The following PCDHGA8 variants were observed in gnomAD, a reference collection of about 807,000 sequenced individuals.
PCDHGA8 encodes the protein protocadherin gamma-A8.
Under a neutral mutation model 59.2 loss-of-function variants are expected in PCDHGA8, and 45 were observed. That is an observed-to-expected ratio of 0.76 (90% CI 0.60 to 0.98). The LOEUF is 0.98. PCDHGA8 is among the 50% of genes least tolerant of loss of function. The probability of loss-of-function intolerance (pLI) is 0.00; values close to 1 mark genes in which losing one functional copy is unlikely to be tolerated. For synonymous variants in PCDHGA8, 531 were observed against 519.0 expected (o/e 1.02, Z -0.32); for missense variants, 1,257 against 1,196.2 (o/e 1.05, Z -0.75).
chr5:141,421,567 A>G (rs1202908091), intron 1 of PCDHGA8: 27 of 1,613,972 alleles, frequency 1.7e-5, no homozygotes, highest in Non-Finnish European at 2.2e-5. Context: ...CGTGGAAGAC[A>G]CCTTGAAGAT....
rs551129846 is a variant in PCDHGA8, at chr5:141,432,711, A to T, written c.2424+37474A>T. 5 of 1,613,944 alleles carry T rather than the reference A, an allele frequency of 3.1e-6. No individual in the cohort carries two copies. The Admixed American group carries it at 8.3e-5, about 27-fold the overall frequency. ...GTAGTGGCCGTCCAGGACCACGGCCAGCCCCCTCTCTCCGCCACTGTCACG... is the reference window on the plus strand; with the variant it reads ...GTAGTGGCCGTCCAGGACCACGGCCTGCCCCCTCTCTCCGCCACTGTCACG... On this transcript the variant is annotated intron_variant, in intron 1 of 3. Transcript: ENST00000398604. This position sits in a 1 kb window ranked among gnomAD's most constrained non-coding sequence, Gnocchi z 6.0.
intron 1 of PCDHGA8, chr5:141,399,585 T>C (rs1452769752): frequency 6.2e-7 from 1 of 1,613,984 alleles, no homozygotes; most frequent in South Asian, 1.1e-5. Context: ...TCTCCTACTC[T>C]ATCATGGCCA....
intron 3 of PCDHGA8, among the ~76,000 whole-genome samples, chr5:141,506,417 A>C (rs1326078146): frequency 6.8e-6 from 1 of 147,658 alleles, no homozygotes; most frequent in Non-Finnish European, 1.5e-5. Context: ...ACTGCACTCC[A>C]GCCTGGGCAA....
At chr5:141,505,345 G>C (rs776607130) in intron 2 of PCDHGA8, 48 bp from the exon 3 acceptor site, 3 of 1,613,086 alleles carry the variant, frequency 1.9e-6, no homozygotes, top group Non-Finnish European at 2.5e-6. Flanking sequence ...AGGGGCATGA[G>C]CTGTGCCGGC....
At chr5:141,407,875 A>G (rs957717882) in intron 1 of PCDHGA8, 8 of 361,396 alleles carry the variant, frequency 2.2e-5, no homozygotes, top group African/African-American at 8.4e-5. Context: ...AAGAATATAT[A>G]CATTTCGGAG....
rs1312182657 is a variant in PCDHGA8 at position 141,406,777 on chromosome 5, CTT to C, written c.2424+11541_2424+11542del. Among the ~76,000 whole-genome samples the C allele has an allele frequency of 2.0e-5, 3 of 152,268 alleles. No individual in the cohort carries two copies. The East Asian group carries it at 5.8e-4, about 29-fold the overall frequency. On this transcript the variant is annotated intron_variant, in intron 1 of 3. Coordinates refer to ENST00000398604, the MANE Select transcript of PCDHGA8 (RefSeq NM_032088.2). ...CAAGGAATTAAAAATATTTCTCTCA[CTT>C]ATATATTATTTCTGGCTCAATTCTC...
chr5:141,448,118 G>A (rs1356488538), intron 1 of PCDHGA8, among the ~76,000 whole-genome samples: 1 of 151,534 alleles, frequency 6.6e-6, no homozygotes, highest in East Asian at 1.9e-4. Flanking sequence ...AAGAAAATTA[G>A]CCTCCCCCAC....
rs777293240 is a variant in PCDHGA8, at chr5:141,393,034, T to A, written c.221T>A (p.Leu74His). The A allele has an allele frequency of 1.3e-5, 21 of 1,613,636 alleles. No homozygotes were observed. Among genetic ancestry groups the A allele is most frequent in the Admixed American group, 6.7e-5 (4 of 59,986 alleles). ...VRIVSRGRTQ[L>H]FALNPRSGSL... Reference sequence around the variant, plus strand: ...ATCGTCTCCAGAGGTAGGACGCAGCTCTTTGCTCTGAACCCGCGCAGCGGC... The same window carrying A: ...ATCGTCTCCAGAGGTAGGACGCAGCACTTTGCTCTGAACCCGCGCAGCGGC... Residue 74 changes from leucine to histidine, a missense_variant, in exon 1 of 4, where the codon CTC becomes CAC. Coordinates refer to ENST00000398604, the MANE Select transcript of PCDHGA8 (RefSeq NM_032088.2).
At position 141,393,592 on chromosome 5, in the gene PCDHGA8, G is replaced by A. The variant is rs200863279; in HGVS notation, c.779G>A (p.Arg260Gln). 127 of 1,613,790 alleles carry A rather than the reference G, an allele frequency of 7.9e-5. No homozygotes were observed. Among genetic ancestry groups the A allele is most frequent in the Non-Finnish European group, 1.0e-4 (123 of 1,179,914 alleles). Residue 260 changes from arginine (R) to glutamine (Q), a missense_variant, in exon 1 of 4, where the codon CGG becomes CAG. Coordinates refer to ENST00000398604, the MANE Select transcript of PCDHGA8 (RefSeq NM_032088.2). ...KVLENMPPGT[R>Q]LLTVTASDPD... ...CTTGAGAACATGCCCCCAGGCACGC[G>A]GCTGCTTACTGTAACAGCCAGCGAC...
chr5:141,505,026 G>T (rs190826538), intron 2 of PCDHGA8, among the ~76,000 whole-genome samples: 1 of 152,198 alleles, frequency 6.6e-6, no homozygotes, highest in South Asian at 2.1e-4. Context: ...GCCTGGCACA[G>T]TGGCAGGTGC....
intron 2 of PCDHGA8, among the ~76,000 whole-genome samples, chr5:141,504,748 T>A (rs979724181): frequency 7.2e-5 from 11 of 151,880 alleles, no homozygotes; most frequent in Non-Finnish European, 1.3e-4. Context: ...CCATTGAATT[T>A]TAGAAATTTC....
chr5:141,481,503 G>A (rs1006282101), intron 1 of PCDHGA8, among the ~76,000 whole-genome samples: 3 of 152,236 alleles, frequency 2.0e-5, no homozygotes, highest in African/African-American at 7.2e-5. Context: ...TGCATGGTAT[G>A]TGAATTATGT....
chr5:141,492,077 C>G (rs917149790), intron 1 of PCDHGA8: 1 of 483,342 alleles, frequency 2.1e-6, no homozygotes, highest in African/African-American at 2.0e-5. Context: ...GGCGCCGGCT[C>G]CGGCACGCTT....
chr5:141,412,569 T>C (rs1469611879), intron 1 of PCDHGA8: 3 of 152,228 alleles, frequency 2.0e-5, no homozygotes, highest in Admixed American at 6.5e-5. Flanking sequence ...GTTTATTTAA[T>C]ATAATCTTTG....
chr5:141,403,533 T>G (rs1307203985), intron 1 of PCDHGA8: 2 of 1,613,992 alleles, frequency 1.2e-6, no homozygotes, highest in African/African-American at 2.7e-5. Flanking sequence ...AACCCAGAGC[T>G]GGTGCTGGAG....
In PCDHGA8 at chr5:141,409,757, G is replaced by T. The variant is rs376391018; in HGVS notation, c.2424+14520G>T. On this transcript the variant is annotated intron_variant, in intron 1 of 3. Coordinates refer to ENST00000398604, the MANE Select transcript of PCDHGA8 (RefSeq NM_032088.2). ...GAGCGGGGTGGTGTTCGCGCAGCGC[G>T]CCTTTGATCACGAGCAGCTGCGCGC... is the stretch of plus-strand genomic sequence containing the variant. 5 of 1,612,868 alleles carry T rather than the reference G, an allele frequency of 3.1e-6. No homozygotes were observed. In the East Asian group the frequency reaches 6.7e-5, roughly 22 times the overall value.
At chr5:141,413,390 C>T (rs1373497766) in intron 1 of PCDHGA8, 1 of 1,614,010 alleles carries the variant, frequency 6.2e-7, no homozygotes, top group African/African-American at 1.3e-5. Context: ...CGCATAGTCT[C>T]CAGAGGTAGG....
chr5:141,487,818 G>T lies in PCDHGA8; in HGVS notation c.2425-6989G>T, dbSNP rs1009237001. The T allele has an allele frequency of 1.2e-5, 16 of 1,331,602 alleles. No homozygotes were observed. Among genetic ancestry groups the T allele is most frequent in the Non-Finnish European group, 1.4e-5 (14 of 970,528 alleles). The allele number at this position is 1,331,602 out of a possible 1,614,324, so 82.5% of individuals were successfully genotyped here. On this transcript the variant is annotated intron_variant, in intron 1 of 3. Transcript: ENST00000398604. This position sits in a 1 kb window ranked among gnomAD's most constrained non-coding sequence, Gnocchi z 5.0. Reference sequence around the variant, plus strand: ...GAGTTGTCACAGTTTAGCATTGGGGGCGGGTCATGCCTATATCTGAGTAAG... The same window carrying T: ...GAGTTGTCACAGTTTAGCATTGGGGTCGGGTCATGCCTATATCTGAGTAAG...
rs1340974686 is a variant in PCDHGA8, at chr5:141,477,604, C to T, written c.2425-17203C>T. The T allele has an allele frequency of 6.2e-7, 1 of 1,614,084 alleles. No individual in the cohort carries two copies. Among genetic ancestry groups the T allele is most frequent in the Non-Finnish European group, 8.5e-7 (1 of 1,180,054 alleles). ...AGAATGCTCGGCTTTCTTTCTTTCT[C>T]TTGGAGCAAGGAGCTGAAACCGGGC... On this transcript the variant is annotated intron_variant, in intron 1 of 3. Coordinates refer to ENST00000398604, the MANE Select transcript of PCDHGA8 (RefSeq NM_032088.2). The surrounding 1 kb of genome is among the most constrained non-coding windows in gnomAD (Gnocchi z 4.9).
Sources: allele counts gnomAD v4.1 joint callset (sites outside exome capture counted in the v4.1 genomes callset), GRCh38; gene constraint gnomAD v4.1.1; non-coding constraint Gnocchi (gnomAD v3.1); transcripts MANE v1.5; gene names NCBI Gene and HGNC (gene_info 2026-07-23, HGNC 2026-07-21).